Variants in UBE2L3 observed in about 807,000 individuals in gnomAD.
UBE2L3 encodes the protein ubiquitin-conjugating enzyme E2 L3.
Under a neutral mutation model 17.8 loss-of-function variants are expected in UBE2L3, and 1 was observed. The observed-to-expected ratio is 0.06, with a 90% confidence interval of 0.02 to 0.27. The LOEUF (loss-of-function observed/expected upper bound fraction) is 0.27, where lower values mean the gene tolerates loss of function less well. UBE2L3 is among the 10% of genes least tolerant of loss of function. UBE2L3 has a pLI of 1.00. For synonymous variants in UBE2L3, 44 were observed against 68.5 expected (o/e 0.64, Z 1.76); for missense variants, 40 against 192.6 (o/e 0.21, Z 4.69).
intron 2 of UBE2L3, among the ~76,000 whole-genome samples, chr22:21,601,754 G>A (rs368329247): frequency 8.5e-4 from 129 of 151,724 alleles, no homozygotes; most frequent in African/African-American, 3.1e-3. Flanking sequence ...GGCGGGTCAC[G>A]AGGTCAGGAG....
At chr22:21,601,288 C>G (rs961972825) in intron 2 of UBE2L3, among the ~76,000 whole-genome samples, 3 of 151,886 alleles carry the variant, frequency 2.0e-5, no homozygotes, top group Non-Finnish European at 2.9e-5. Flanking sequence ...AGAACTTAAC[C>G]TCCTAAACTT....
intron 3 of UBE2L3, among the ~76,000 whole-genome samples, chr22:21,617,514 A>G (rs1929837971): frequency 6.6e-6 from 1 of 152,048 alleles, no homozygotes; most frequent in Admixed American, 6.6e-5. Flanking sequence ...CAGTCTGCCC[A>G]CTTCGGCTTC....
intron 2 of UBE2L3, among the ~76,000 whole-genome samples, chr22:21,597,775 ATTTTTTTTTTTTTTTTTTTTTTTTTTT>A: frequency 3.9e-5 from 1 of 25,600 alleles, no homozygotes; most frequent in Admixed American, 7.7e-4. Flanking sequence ...TTATATGTAG[ATTTTTTTTTTTTTTTTTTTTTTTTTTT>A]TTTTTGAGAC....
At chr22:21,564,041 T>C (rs528217831), upstream of UBE2L3, among the ~76,000 whole-genome samples, 60 of 150,488 alleles carry the variant, frequency 4.0e-4, no homozygotes, top group East Asian at 2.1e-3. Flanking sequence ...TTCTTTCTTT[T>C]TTTTTTTTTT....
At chr22:21,567,320 C>T (rs1430678316), upstream of UBE2L3, among the ~76,000 whole-genome samples, 2 of 152,160 alleles carry the variant, frequency 1.3e-5, no homozygotes, top group African/African-American at 4.8e-5. Context: ...CCCGCCACCA[C>T]GCCTGGCTAA....
chr22:21,576,018 A>G (rs1927271836), intron 1 of UBE2L3, among the ~76,000 whole-genome samples: 1 of 151,778 alleles, frequency 6.6e-6, no homozygotes, highest in South Asian at 2.1e-4. Flanking sequence ...CATCCAGTGT[A>G]GTGTGACAGT....
chr22:21,567,631 G>T (rs117317477), upstream of UBE2L3: 19,986 of 1,541,304 alleles, frequency 0.013, 230 homozygotes, highest in East Asian at 0.036. Flanking sequence ...TAGGTGCTCC[G>T]CTCTGCTCCT....
At chr22:21,621,441 C>G in intron 3 of UBE2L3, 74 bp from the exon 4 acceptor site, 7 of 1,485,876 alleles carry the variant, frequency 4.7e-6, no homozygotes, top group Non-Finnish European at 6.3e-6. Context: ...GTTTTGTTCC[C>G]GGATTAGCTG....
chr22:21,577,549 C>T (rs1927382729), intron 1 of UBE2L3, among the ~76,000 whole-genome samples: 1 of 152,170 alleles, frequency 6.6e-6, no homozygotes, highest in South Asian at 2.1e-4. Flanking sequence ...CACCAGTGGC[C>T]TCTGTTTACA....
At chr22:21,621,213 G>A (rs1930026636) in intron 3 of UBE2L3, among the ~76,000 whole-genome samples, 1 of 152,196 alleles carries the variant, frequency 6.6e-6, no homozygotes, top group Non-Finnish European at 1.5e-5. Flanking sequence ...GAGTGACTGA[G>A]GGCTAAGACC....
intron 2 of UBE2L3, among the ~76,000 whole-genome samples, chr22:21,601,902 G>A (rs1928880377): frequency 6.6e-6 from 1 of 150,952 alleles, no homozygotes; most frequent in Non-Finnish European, 1.5e-5. Context: ...AACCCGGGAG[G>A]CGGAGCTTGC....
intron 2 of UBE2L3, among the ~76,000 whole-genome samples, chr22:21,602,531 G>A (rs910682632): frequency 2.6e-5 from 4 of 152,222 alleles, no homozygotes; most frequent in Admixed American, 6.5e-5. Context: ...ACATGAAGTG[G>A]AATGGGGTTT....
chr22:21,580,394 T>C (rs1018336143), intron 1 of UBE2L3, among the ~76,000 whole-genome samples: 1 of 152,206 alleles, frequency 6.6e-6, no homozygotes, highest in Non-Finnish European at 1.5e-5. Flanking sequence ...TGGCTACCCC[T>C]TTCCCAGCAT....
intron 3 of UBE2L3, 58 bp downstream of exon 3, chr22:21,611,101 TG>T (rs774061548): frequency 6.7e-5 from 99 of 1,479,782 alleles, no homozygotes; most frequent in Non-Finnish European, 8.6e-5. Context: ...TGCTCTGGGG[TG>T]GGGGCTTCTG....
intron 1 of UBE2L3, among the ~76,000 whole-genome samples, chr22:21,575,632 T>C (rs1296063814): frequency 7.8e-4 from 24 of 30,908 alleles, no homozygotes; most frequent in Non-Finnish European, 1.3e-3. Context: ...GTTGAATAGC[T>C]TTTTTTTTTT....
chr22:21,564,078 C>T (rs1926550298), upstream of UBE2L3, among the ~76,000 whole-genome samples: 1 of 150,278 alleles, frequency 6.7e-6, no homozygotes, highest in African/African-American at 2.5e-5. Context: ...CTCTTTCACA[C>T]AGGCTTGAGT....
upstream of UBE2L3, chr22:21,567,472 A>T (rs1926688040): frequency 3.5e-6 from 2 of 573,800 alleles, no homozygotes; most frequent in Non-Finnish European, 5.6e-6. Context: ...CAACTATTTT[A>T]TGCAATCAGT....
upstream of UBE2L3, among the ~76,000 whole-genome samples, chr22:21,563,675 C>T (rs1319796361): frequency 1.2e-4 from 18 of 148,430 alleles, no homozygotes; most frequent in Non-Finnish European, 2.2e-4. Flanking sequence ...CTCCCGGGTT[C>T]GAGCGATTCT....
chr22:21,590,155 T>C (rs1928179144), intron 1 of UBE2L3, among the ~76,000 whole-genome samples: 1 of 151,886 alleles, frequency 6.6e-6, no homozygotes, highest in Admixed American at 6.6e-5. Context: ...TTTATAATTC[T>C]TGTGAAATTT....
Sources: allele counts gnomAD v4.1 joint callset (sites outside exome capture counted in the v4.1 genomes callset), GRCh38; gene constraint gnomAD v4.1.1; transcripts MANE v1.5; gene names NCBI Gene and HGNC (gene_info 2026-07-23, HGNC 2026-07-21).